The following CERKL variants were observed in gnomAD, a reference collection of about 807,000 sequenced individuals.
CERKL encodes the protein CERK like autophagy regulator.
A neutral mutation model predicts 63.4 loss-of-function variants in CERKL; 61 were observed. That is an observed-to-expected ratio of 0.96 (90% CI 0.78 to 1.19). The LOEUF is 1.19. Ranked by LOEUF, CERKL falls within the 50% of genes most tolerant of loss-of-function variation. The pLI, the probability that CERKL is intolerant of heterozygous loss-of-function variation, is 0.00. For missense variants in CERKL, 675 were observed against 655.5 expected (o/e 1.03, Z -0.33); for synonymous variants, 250 against 230.5 (o/e 1.08, Z -0.77).
chr2:181,586,520 A>G (rs1684775532), intron 2 of CERKL, among the ~76,000 whole-genome samples: 1 of 152,212 alleles, frequency 6.6e-6, no homozygotes, highest in Non-Finnish European at 1.5e-5. Flanking sequence ...TCCCCCAAGT[A>G]GACAATCCAA....
chr2:181,644,989 T>C (rs1469219915), intron 1 of CERKL, among the ~76,000 whole-genome samples: 1 of 152,172 alleles, frequency 6.6e-6, no homozygotes, highest in Non-Finnish European at 1.5e-5. Flanking sequence ...GGAAATCTTA[T>C]GCCATGTTGA....
intron 4 of CERKL, among the ~76,000 whole-genome samples, chr2:181,561,035 T>C (rs1366476560): frequency 6.6e-6 from 1 of 152,138 alleles, no homozygotes; most frequent in African/African-American, 2.4e-5. Context: ...TGAAAAACTA[T>C]TCAGGTCATA....
rs191949457 is a variant in CERKL at position 181,550,618 on chromosome 2, T to C, written c.821-910A>G. ...CCATGCATGTGGTGTGTTCCGGTTA[T>C]GAAGGCAAAGACCAGTCCTCTGGAT... On this transcript the variant is annotated intron_variant, in intron 5 of 12. Transcript: ENST00000410087. The surrounding 1 kb of genome is among the most constrained non-coding windows in gnomAD (Gnocchi z 4.5). Among the ~76,000 whole-genome samples, 1 of 152,308 alleles carries C rather than the reference T, an allele frequency of 6.6e-6. No individual in the cohort carries two copies. Among genetic ancestry groups the C allele is most frequent in the African/African-American group, 2.4e-5 (1 of 41,586 alleles).
intron 10 of CERKL, among the ~76,000 whole-genome samples, chr2:181,545,482 G>C (rs1488909703): frequency 6.6e-6 from 1 of 152,180 alleles, no homozygotes; most frequent in Admixed American, 6.6e-5. Context: ...ATGACTTCTA[G>C]CTTGATTTCA....
At chr2:181,654,268 C>A (rs1402475995) in intron 1 of CERKL, among the ~76,000 whole-genome samples, 1 of 152,022 alleles carries the variant, frequency 6.6e-6, no homozygotes, top group African/African-American at 2.4e-5. Context: ...ATAACACATC[C>A]ATTATTCCAG....
chr2:181,539,015 C>T (rs1687352786), intron 12 of CERKL, 77 bp downstream of exon 12: 2 of 1,097,810 alleles, frequency 1.8e-6, no homozygotes, highest in South Asian at 1.3e-5. Context: ...TTTGATAGTT[C>T]AGAGAAGAGA....
At chr2:181,565,532 T>C in intron 4 of CERKL, 1 of 1,469,218 alleles carries the variant, frequency 6.8e-7, no homozygotes, top group South Asian at 1.1e-5. Flanking sequence ...ATACCTAAAT[T>C]GTAGTCACTA....
intron 4 of CERKL, among the ~76,000 whole-genome samples, chr2:181,562,198 CAACT>C (rs1271482557): frequency 6.6e-6 from 1 of 152,154 alleles, no homozygotes; most frequent in South Asian, 2.1e-4. Flanking sequence ...GCTTATCAAC[CAACT>C]GACAATCAGA....
Position 181,573,821 on chromosome 2 carries a change from GCTT to G in CERKL, c.542_544del (p.Glu181del). On this transcript the variant is annotated inframe_deletion, in exon 3 of 13. Transcript: ENST00000410087. ...AACCTTCTCATAATAAACCTGGGTA[GCTT>G]CTTTTTTGTGACTTTGGGGGTTAAG... 1 of 1,612,186 alleles carries G rather than the reference GCTT, an allele frequency of 6.2e-7. No individual in the cohort carries two copies. The highest frequency in any genetic ancestry group is 1.1e-5 in the South Asian group (1 of 90,856).
At chr2:181,605,399 A>T (rs1377677974) in intron 1 of CERKL, among the ~76,000 whole-genome samples, 1 of 152,234 alleles carries the variant, frequency 6.6e-6, no homozygotes, top group African/African-American at 2.4e-5. Context: ...ACAAAGCCAG[A>T]TAAGAACTAC....
rs1687224685 is a variant in CERKL, at chr2:181,537,706, CA to C, written c.*477del. 2.4e-6 allele frequency: 1 copy of C among 423,996 alleles called. No homozygotes were observed. Among genetic ancestry groups the C allele is most frequent in the Admixed American group, 2.7e-5 (1 of 37,674 alleles). 26.3% of individuals were successfully genotyped at this position (423,996 alleles called of 1,614,324 possible). A position where few individuals can be genotyped will look rare whatever the true frequency, so the allele number is the denominator to read the frequency against. ...AAATATTGATGTATTATGATGGTTG[CA>C]AAGTTTTTTTGTGTGTCCAATAAAC... On this transcript the variant is annotated 3_prime_UTR_variant, in exon 13 of 13. Transcript: ENST00000410087.
intron 11 of CERKL, among the ~76,000 whole-genome samples, chr2:181,542,003 T>A (rs1015780199): frequency 1.3e-5 from 2 of 152,084 alleles, no homozygotes; most frequent in Non-Finnish European, 2.9e-5. Flanking sequence ...TGCATGATGT[T>A]CAGACAGTTC....
At chr2:181,656,090 A>G (rs1358043327) in intron 1 of CERKL, among the ~76,000 whole-genome samples, 3 of 152,242 alleles carry the variant, frequency 2.0e-5, no homozygotes, top group Admixed American at 2.0e-4. Context: ...ATTTTAAGTC[A>G]ATAAAAGGCA....
chr2:181,608,727 A>C (rs184334997), intron 1 of CERKL, among the ~76,000 whole-genome samples: 1 of 152,348 alleles, frequency 6.6e-6, no homozygotes, highest in African/African-American at 2.4e-5. Flanking sequence ...TCTAGTCAGT[A>C]CATAAGGAAA....
At chr2:181,541,716 G>A (rs1023049659) in intron 11 of CERKL, among the ~76,000 whole-genome samples, 6 of 152,210 alleles carry the variant, frequency 3.9e-5, no homozygotes, top group African/African-American at 1.4e-4. Flanking sequence ...TAAGGTGAGG[G>A]AGAAATTTTA....
intron 2 of CERKL, among the ~76,000 whole-genome samples, chr2:181,600,147 G>A (rs1685397107): frequency 6.6e-6 from 1 of 152,152 alleles, no homozygotes; most frequent in African/African-American, 2.4e-5. Flanking sequence ...TCCCAGGCAA[G>A]AAAACACTAA....
At chr2:181,644,327 A>G (rs1340209681) in intron 1 of CERKL, among the ~76,000 whole-genome samples, 4 of 152,258 alleles carry the variant, frequency 2.6e-5, no homozygotes, top group Admixed American at 6.5e-5. Flanking sequence ...TCATTTCTTC[A>G]GGATTTTTCT....
At chr2:181,566,180 T>C (rs1688661138) in intron 3 of CERKL, 59 bp from the exon 4 acceptor site, 1 of 1,327,358 alleles carries the variant, frequency 7.5e-7, no homozygotes, top group Non-Finnish European at 1.1e-6. Flanking sequence ...GATCACACTT[T>C]TTAACTTGTT....
intron 11 of CERKL, among the ~76,000 whole-genome samples, chr2:181,542,283 A>G (rs1300282554): frequency 6.6e-6 from 1 of 152,198 alleles, no homozygotes; most frequent in Admixed American, 6.5e-5. Context: ...GGTGGTTTCA[A>G]TCTATTTTAC....
Sources: allele counts gnomAD v4.1 joint callset (sites outside exome capture counted in the v4.1 genomes callset), GRCh38; gene constraint gnomAD v4.1.1; non-coding constraint Gnocchi (gnomAD v3.1); transcripts MANE v1.5; gene names NCBI Gene and HGNC (gene_info 2026-07-23, HGNC 2026-07-21).